Variants in COX11 observed in about 807,000 individuals in gnomAD.
COX11 encodes the protein cytochrome c oxidase assembly protein COX11, mitochondrial.
COX11 carries 18 observed loss-of-function variants against 29.4 expected under a neutral mutation model. The observed-to-expected ratio is 0.61, with a 90% CI of 0.42 to 0.91. The LOEUF is 0.91. Ranked by LOEUF, COX11 falls within the 40% of genes least tolerant of loss-of-function variation. COX11 has a pLI of 0.00. For missense variants in COX11, 312 were observed against 346.0 expected (o/e 0.90, Z 0.78); for synonymous variants, 131 against 124.0 (o/e 1.06, Z -0.38).
exon 1 of COX11, chr17:54,953,632 G>A (rs1463321827): frequency 6.6e-6 from 1 of 152,246 alleles, no homozygotes; most frequent in Non-Finnish European, 1.5e-5. Context: ...CAGGCCCTGA[G>A]TTCCATGGTG....
chr17:54,968,477 T>C lies in COX11; in HGVS notation c.170A>G (p.Lys57Arg). 1 of 1,613,326 alleles carries C rather than the reference T, an allele frequency of 6.2e-7. No individual in the cohort carries two copies. The highest frequency in any genetic ancestry group is 1.7e-4 in the Middle Eastern group (1 of 6,060). ...ATGCCGGGCTCGAAGGCTGCAGCGC[T>C]TCCATGTCCCAAGCCACCTCAGTCC... ...ERGLRWLGTW[K>R]RCSLRARHPA... Residue 57 changes from lysine to arginine, a missense_variant, in exon 1 of 4, where the codon AAG (lysine) becomes AGG (arginine). Physicochemically the swap from Lys to Arg is conservative, Grantham distance 26 (BLOSUM62 2). Transcript: ENST00000299335.
chr17:54,953,239 G>A (rs965918438), exon 1 of COX11: 1 of 152,356 alleles, frequency 6.6e-6, no homozygotes, highest in Admixed American at 6.5e-5. Context: ...AATCAGCCAG[G>A]TGTGCCTTAG....
Position 54,963,299 on chromosome 17 carries a change from G to T in COX11, c.648+7C>A, listed in dbSNP as rs780726321. The T allele has an allele frequency of 5.6e-6, 9 of 1,607,490 alleles. No individual in the cohort carries two copies. In the South Asian group the frequency reaches 7.8e-5, roughly 14 times the overall value. On this transcript the variant is annotated splice_region_variant and intron_variant, in intron 3 of 3. Transcript: ENST00000299335. Reference sequence around the variant, plus strand: ...TCATATTCTGTAAAGTTTACACTTTGATGTACCTGTATTTTATTGAAATAC... The same window carrying T: ...TCATATTCTGTAAAGTTTACACTTTTATGTACCTGTATTTTATTGAAATAC...
At chr17:54,963,860 G>C (rs1455403198) in intron 2 of COX11, among the ~76,000 whole-genome samples, 2 of 151,956 alleles carry the variant, frequency 1.3e-5, no homozygotes, top group Admixed American at 6.6e-5. Context: ...TGACTGACTA[G>C]AACCTTTATT....
chr17:54,963,092 AAG>A, intron 3 of COX11, 177 bp from the exon 4 acceptor site: 1 of 778,776 alleles, frequency 1.3e-6, no homozygotes, highest in South Asian at 2.0e-5. Context: ...GTTCTGCTTT[AAG>A]GATGAAGAAC....
At position 54,967,320 on chromosome 17, in the gene COX11, T is replaced by C. The variant is rs1001766357; in HGVS notation, c.366+961A>G. Among the ~76,000 whole-genome samples the C allele has an allele frequency of 3.9e-5, 6 of 152,312 alleles. No homozygotes were observed. The East Asian group carries it at 1.2e-3, about 29-fold the overall frequency. On this transcript the variant is annotated intron_variant, in intron 1 of 3. Transcript: ENST00000299335. ...AACACTTACTGAATCACTTGTGGCATGATTTTTAAACCGAAATTCCTGTCC... is the reference window on the plus strand; with the variant it reads ...AACACTTACTGAATCACTTGTGGCACGATTTTTAAACCGAAATTCCTGTCC...
At chr17:54,964,652 T>TTACTTTA in intron 2 of COX11, 45 bp downstream of exon 2, 1 of 1,549,766 alleles carries the variant, frequency 6.5e-7, no homozygotes, top group Non-Finnish European at 8.9e-7. Context: ...AAGAAAGGAA[T>TTACTTTA]TTACATTAAT....
intron 1 of COX11, among the ~76,000 whole-genome samples, chr17:54,966,438 C>G (rs1385423877): frequency 6.6e-6 from 1 of 152,114 alleles, no homozygotes; most frequent in African/African-American, 2.4e-5. Flanking sequence ...CAGTTTGGGG[C>G]AGGGTTTCTC....
intron 1 of COX11, among the ~76,000 whole-genome samples, chr17:54,967,511 T>C (rs993236936): frequency 1.3e-5 from 2 of 151,566 alleles, no homozygotes; most frequent in African/African-American, 2.4e-5. Flanking sequence ...TTGCCTGTGG[T>C]TCTCAAAACT....
At position 54,961,422 on chromosome 17, in the gene COX11, G is replaced by GT. The variant is rs1567853609; in HGVS notation, c.*1310dup. ...GATAACACTGATTCCTGACAACAGC[G>GT]TGAGATTTCAACAGAACTTGTTTGG... is the stretch of plus-strand genomic sequence containing the variant. On this transcript the variant is annotated 3_prime_UTR_variant, in exon 4 of 4. Transcript: ENST00000299335. 1.3e-5 allele frequency: 19 copies of GT among 1,518,018 alleles called. 1 individual carries two copies. In the Admixed American group the frequency reaches 2.5e-4, roughly 20 times the overall value. The allele number at this position is 1,518,018 out of a possible 1,614,324, so 94.0% of individuals were successfully genotyped here.
exon 1 of COX11, chr17:54,955,120 G>A (rs2049430791): frequency 6.6e-6 from 1 of 152,162 alleles, no homozygotes; most frequent in Non-Finnish European, 1.5e-5. Context: ...GGAGATTAAT[G>A]ATGACACAAA....
Position 54,962,240 on chromosome 17 carries a change from C to A in COX11, c.*493G>T, listed in dbSNP as rs1402377471. ...AAGCTGTTAGGGCTTAGTGACTCCT[C>A]TTCTACTTTGAGCTTTTAAAATACT... is the stretch of plus-strand genomic sequence containing the variant. On this transcript the variant is annotated 3_prime_UTR_variant, in exon 4 of 4. Coordinates refer to ENST00000299335, the MANE Select transcript of COX11 (RefSeq NM_004375.5). The A allele has an allele frequency of 5.9e-5, 58 of 984,960 alleles. No individual in the cohort carries two copies. Among genetic ancestry groups the A allele is most frequent in the Non-Finnish European group, 6.8e-5 (56 of 829,590 alleles). 61.0% of individuals were successfully genotyped at this position (984,960 alleles called of 1,614,324 possible).
Position 54,968,280 on chromosome 17 carries a change from C to T in COX11, c.366+1G>A. 1 of 1,610,268 alleles carries T rather than the reference C, an allele frequency of 6.2e-7. No homozygotes were observed. The highest frequency in any genetic ancestry group is 8.5e-7 in the Non-Finnish European group (1 of 1,178,528). ...ACCCTGCGGGCGGCGCCGGCCCCTA[C>T]CTGGCAATAGAGCCGATAAAGGGGT... On this transcript the variant is annotated splice_donor_variant, in intron 1 of 3. Coordinates refer to ENST00000299335, the MANE Select transcript of COX11 (RefSeq NM_004375.5). LOFTEE classifies it high-confidence loss of function.
exon 1 of COX11, chr17:54,953,229 A>C (rs1004805286): frequency 2.0e-5 from 3 of 152,178 alleles, no homozygotes; most frequent in Non-Finnish European, 4.4e-5. Context: ...CAAACAAAAA[A>C]ATCAGCCAGG....
rs1174301301 is a variant in COX11, at chr17:54,968,300, A to T, written c.347T>A (p.Leu116His). The change falls in exon 1 of 4, where the codon CTT (leucine) becomes CAT (histidine). Residue 116 changes from leucine (L) to histidine (H), a missense_variant. Around this residue, in one of 2 missense-constraint regions of COX11, gnomAD observed 182 missense variants for 240.0 expected, o/e 0.76. Coordinates refer to ENST00000299335, the MANE Select transcript of COX11 (RefSeq NM_004375.5). ...CCCTACCTGGCAATAGAGCCGATAA[A>T]GGGGTACGGCAGCGTAGGACGCCCC... ...MLGASYAAVP[L>H]YRLYCQTTGL... 11 of 1,612,542 alleles carry T rather than the reference A, an allele frequency of 6.8e-6. No homozygotes were observed. Among genetic ancestry groups the T allele is most frequent in the Non-Finnish European group, 8.5e-6 (10 of 1,179,800 alleles).
exon 1 of COX11, chr17:54,955,064 G>A (rs17817865): frequency 0.29 from 44,687 of 151,962 alleles, 6,899 homozygotes; most frequent in African/African-American, 0.35. Context: ...CCTAGTTCAC[G>A]ACATTCTACG....
Position 54,968,273 on chromosome 17 carries a change from G to C in COX11, c.366+8C>G, listed in dbSNP as rs2077306956. 1 of 1,602,002 alleles carries C rather than the reference G, an allele frequency of 6.2e-7. No individual in the cohort carries two copies. Among genetic ancestry groups the C allele is most frequent in the Non-Finnish European group, 8.5e-7 (1 of 1,177,870 alleles). On this transcript the variant is annotated splice_region_variant and intron_variant, in intron 1 of 3. Coordinates refer to ENST00000299335, the MANE Select transcript of COX11 (RefSeq NM_004375.5). The stretch of plus-strand genomic sequence containing the variant: ...CTGCGCCACCCTGCGGGCGGCGCCG[G>C]CCCCTACCTGGCAATAGAGCCGATA...
chr17:54,964,661 A>G (rs756827299), intron 2 of COX11, 36 bp downstream of exon 2: 1 of 1,580,092 alleles, frequency 6.3e-7, no homozygotes, highest in Admixed American at 1.7e-5. Context: ...ATTTACATTA[A>G]TAAAGTAATC....
exon 1 of COX11, chr17:54,953,551 T>C (rs2049341892): frequency 6.6e-6 from 1 of 152,304 alleles, no homozygotes; most frequent in African/African-American, 2.4e-5. Flanking sequence ...TCTCTGGGGA[T>C]GATTTGGACA....
Sources: allele counts gnomAD v4.1 joint callset (sites outside exome capture counted in the v4.1 genomes callset), GRCh38; gene constraint gnomAD v4.1.1; regional missense constraint gnomAD v4.1.1; transcripts MANE v1.5; gene names NCBI Gene and HGNC (gene_info 2026-07-23, HGNC 2026-07-21).